FRAS1: variants seen among roughly 807,000 people sequenced by gnomAD.
The protein encoded by FRAS1 is extracellular matrix organizing protein FRAS1.
Under a neutral mutation model 435.2 loss-of-function variants are expected in FRAS1, and 290 were observed. The ratio of observed to expected loss-of-function variants is 0.67; its 90% CI spans 0.61 to 0.73. FRAS1 has a LOEUF of 0.73. Among genes scored for constraint, FRAS1 ranks in the 30% least tolerant of loss-of-function variants. The pLI, the probability that FRAS1 is intolerant of heterozygous loss-of-function variation, is 0.00. For missense variants in FRAS1, 4,860 were observed against 5,001.5 expected, an observed-to-expected ratio of 0.97 and a Z score of 0.85; for synonymous variants, 1,800 against 1,851.0, an observed-to-expected ratio of 0.97 and a Z score of 0.71.
intron 2 of FRAS1, among the ~76,000 whole-genome samples, chr4:78,118,696 G>A (rs1489057731): frequency 2.0e-5 from 3 of 152,038 alleles, no homozygotes; most frequent in East Asian, 3.9e-4. Context: ...GGAGTGACCC[G>A]ATTTTCCAGG....
At chr4:78,420,069 C>T (rs1733710877) in intron 33 of FRAS1, among the ~76,000 whole-genome samples, 1 of 152,128 alleles carries the variant, frequency 6.6e-6, no homozygotes, top group Non-Finnish European at 1.5e-5. Flanking sequence ...CATCAAGGTC[C>T]AGTAGAGGTG....
chr4:78,154,801 G>A (rs1720813636), intron 2 of FRAS1, among the ~76,000 whole-genome samples: 1 of 152,196 alleles, frequency 6.6e-6, no homozygotes. Context: ...TTATCCAAGA[G>A]TTAGTATGCG....
intron 38 of FRAS1, among the ~76,000 whole-genome samples, chr4:78,435,565 C>T (rs866195038): frequency 6.6e-6 from 1 of 152,038 alleles, no homozygotes; most frequent in Non-Finnish European, 1.5e-5. Flanking sequence ...ATGGCGAAAC[C>T]CTGTCTCTAC....
At chr4:78,486,830 ATTTTTTTTTTT>A (rs67268640) in intron 58 of FRAS1, among the ~76,000 whole-genome samples, 4 of 123,548 alleles carry the variant, frequency 3.2e-5, no homozygotes, top group African/African-American at 1.2e-4. Flanking sequence ...CTCTCTCTCT[ATTTTTTTTTTT>A]TTTTTTTTTG....
chr4:78,217,063 T>C (rs1300278162), intron 2 of FRAS1, among the ~76,000 whole-genome samples: 3 of 148,184 alleles, frequency 2.0e-5, no homozygotes, highest in Non-Finnish European at 4.5e-5. Flanking sequence ...ACAGAACCAA[T>C]AAAAGATAGC....
chr4:78,290,528 C>G (rs576334039), intron 14 of FRAS1, among the ~76,000 whole-genome samples: 5 of 151,706 alleles, frequency 3.3e-5, no homozygotes, highest in African/African-American at 1.2e-4. Flanking sequence ...ACAATCTCAG[C>G]TCACTGCAAC....
intron 2 of FRAS1, among the ~76,000 whole-genome samples, chr4:78,172,816 A>C (rs1408519265): frequency 6.6e-6 from 1 of 151,678 alleles, no homozygotes; most frequent in African/African-American, 2.4e-5. Flanking sequence ...TAGTCTATTG[A>C]GAGTCTTTTG....
At chr4:78,335,513 A>G (rs1321053583) in intron 19 of FRAS1, among the ~76,000 whole-genome samples, 1 of 152,240 alleles carries the variant, frequency 6.6e-6, no homozygotes, top group Non-Finnish European at 1.5e-5. Flanking sequence ...GGTCAAAGCA[A>G]GATAACCCAT....
intron 2 of FRAS1, among the ~76,000 whole-genome samples, chr4:78,118,045 A>C (rs1332469532): frequency 1.3e-5 from 2 of 152,148 alleles, no homozygotes; most frequent in Non-Finnish European, 2.9e-5. Flanking sequence ...TTTTCCTTCT[A>C]ACAGTCAGGA....
chr4:78,458,115 A>G (rs562379999), intron 47 of FRAS1, among the ~76,000 whole-genome samples: 2 of 152,314 alleles, frequency 1.3e-5, no homozygotes, highest in East Asian at 3.9e-4. Flanking sequence ...TCCATAAATC[A>G]GACAACCCTA....
chr4:78,446,447 T>C, intron 42 of FRAS1: 1 of 1,206,326 alleles, frequency 8.3e-7, no homozygotes, highest in Non-Finnish European at 1.0e-6. Context: ...AAAGCACATA[T>C]CCATATTTTT....
intron 59 of FRAS1, among the ~76,000 whole-genome samples, chr4:78,489,968 C>CAAAAAAAAAAAAAAAAAAAAAAAAAAAA (rs61568957): frequency 6.5e-5 from 6 of 92,602 alleles, no homozygotes; most frequent in Non-Finnish European, 6.2e-5. Context: ...TAGTGGAAAA[C>CAAAAAAAAAAAAAAAAAAAAAAAAAAAA]AAAAAAAAAA....
intron 73 of FRAS1, 63 bp downstream of exon 73, chr4:78,539,503 A>G: frequency 7.1e-7 from 1 of 1,400,994 alleles, no homozygotes; most frequent in Non-Finnish European, 9.7e-7. Flanking sequence ...GAAAAAAAAA[A>G]AAAAAAGAAG....
chr4:78,146,133 A>G (rs1166848265), intron 2 of FRAS1, among the ~76,000 whole-genome samples: 3 of 152,090 alleles, frequency 2.0e-5, no homozygotes, highest in African/African-American at 7.2e-5. Flanking sequence ...TTTAATTGCT[A>G]TGTTCATCTT....
intron 2 of FRAS1, among the ~76,000 whole-genome samples, chr4:78,234,772 C>T (rs767194120): frequency 4.6e-5 from 7 of 152,172 alleles, no homozygotes; most frequent in Non-Finnish European, 8.8e-5. Context: ...GTTTGAAGCA[C>T]ATTCCCTGAG....
chr4:78,496,729 T>A lies in FRAS1; in HGVS notation c.8959-76T>A, dbSNP rs1458444621. 4.5e-6 allele frequency: 6 copies of A among 1,329,388 alleles called. No individual in the cohort carries two copies. In the East Asian group the frequency reaches 1.4e-4, roughly 31 times the overall value. 82.3% of individuals were successfully genotyped at this position (1,329,388 alleles called of 1,614,324 possible). A position where few individuals can be genotyped will look rare whatever the true frequency, so the allele number is the denominator to read the frequency against. On this transcript the variant is annotated intron_variant, in intron 59 of 73. Transcript: ENST00000512123. The stretch of plus-strand genomic sequence containing the variant: ...TTTTTGATGCAATAAAGAAGAAAGA[T>A]AGTTTTCTAGGAAAACCAAGCAAAT...
At chr4:78,452,581 T>C (rs1254420587) in intron 47 of FRAS1, among the ~76,000 whole-genome samples, 2 of 152,264 alleles carry the variant, frequency 1.3e-5, no homozygotes, top group Non-Finnish European at 2.9e-5. Context: ...TAAAATTTTC[T>C]ATATGCAATC....
rs1199206063 is a variant in FRAS1 at position 78,115,923 on chromosome 4, G to A, written c.108+49907G>A. Among the ~76,000 whole-genome samples the A allele has an allele frequency of 2.6e-5, 4 of 151,944 alleles. No homozygotes were observed. The East Asian group carries it at 7.7e-4, about 29-fold the overall frequency. The stretch of plus-strand genomic sequence containing the variant: ...TCTAGTTGTTTTAATTGTGATGTTA[G>A]GTTGTCAATTTTAGATCTTTCCTGC... On this transcript the variant is annotated intron_variant, in intron 2 of 73. Transcript: ENST00000512123.
Position 78,543,558 on chromosome 4 carries a change from G to C in FRAS1, c.*2434G>C, listed in dbSNP as rs1051645882. 6.6e-6 allele frequency: 1 copy of C among 152,216 alleles called. No individual in the cohort carries two copies. Among genetic ancestry groups the C allele is most frequent in the African/African-American group, 2.4e-5 (1 of 41,462 alleles). The allele number at this position is 152,216 out of a possible 1,614,324, so 9.4% of individuals were successfully genotyped here. A position where few individuals can be genotyped will look rare whatever the true frequency, so the allele number is the denominator to read the frequency against. On this transcript the variant is annotated 3_prime_UTR_variant, in exon 74 of 74. Coordinates refer to ENST00000512123, the MANE Select transcript of FRAS1 (RefSeq NM_025074.7). ...ATAGGAAACTGTGTGTGAAAGGAAA[G>C]CCCTTGCAGTATTTCTGCCTCCCTT...
Sources: gnomAD v4.1 joint callset for allele counts (sites outside exome capture counted in the v4.1 genomes callset) on GRCh38, gnomAD v4.1.1 for gene constraint, MANE v1.5 for transcripts, NCBI Gene and HGNC (gene_info 2026-07-23, HGNC 2026-07-21) for gene names.